IMMP2L: variants seen among roughly 807,000 people sequenced by gnomAD.
IMMP2L encodes the protein inner mitochondrial membrane peptidase subunit 2, also known as mitochondrial inner membrane protease subunit 2.
Under a neutral mutation model 19.3 loss-of-function variants are expected in IMMP2L, and 18 were observed. The ratio of observed to expected loss-of-function variants is 0.93; its 90% CI spans 0.64 to 1.38. The LOEUF (loss-of-function observed/expected upper bound fraction) is 1.38. IMMP2L is among the 40% of genes most tolerant of loss of function. The probability of loss-of-function intolerance (pLI) is 0.00; values close to 1 mark genes in which losing one functional copy is unlikely to be tolerated. For synonymous variants in IMMP2L, 76 were observed against 73.0 expected, an observed-to-expected ratio of 1.04 and a Z score of -0.21; for missense variants, 233 against 218.2, an observed-to-expected ratio of 1.07 and a Z score of -0.43.
intron 3 of IMMP2L, among the ~76,000 whole-genome samples, chr7:111,396,913 T>C (rs1832928949): frequency 6.6e-6 from 1 of 151,772 alleles, no homozygotes; most frequent in African/African-American, 2.4e-5. Context: ...TGAAACCCCA[T>C]CTCTACTAAA....
At position 111,122,772 on chromosome 7, in the gene IMMP2L, G is replaced by A. The variant is rs756827535; in HGVS notation, c.240-159207C>T. On this transcript the variant is annotated intron_variant, in intron 3 of 5. Transcript: ENST00000405709. ...TTACATTTCTGAAGAAGAAAGCTAA[G>A]ATGAAGGACATGCCACTCCGAATTC... The A allele has an allele frequency of 2.5e-6, 4 of 1,609,186 alleles. No individual in the cohort carries two copies. The East Asian group carries it at 6.7e-5, about 27-fold the overall frequency.
intron 3 of IMMP2L, chr7:111,391,804 T>C (rs1563136160): frequency 1.4e-6 from 1 of 692,312 alleles, no homozygotes; most frequent in Admixed American, 2.1e-5. Context: ...GAAACCTGAA[T>C]AGAGGTCCTT....
intron 3 of IMMP2L, among the ~76,000 whole-genome samples, chr7:111,202,424 G>T (rs1235624984): frequency 1.2e-4 from 18 of 152,144 alleles, no homozygotes; most frequent in Non-Finnish European, 1.0e-4. Context: ...TGTTATGGAA[G>T]TGTCTTCTTT....
chr7:111,266,102 T>C (rs1817803085), intron 3 of IMMP2L, among the ~76,000 whole-genome samples: 1 of 151,500 alleles, frequency 6.6e-6, no homozygotes, highest in Non-Finnish European at 1.5e-5. Flanking sequence ...ACTTACTTAG[T>C]TTATTGTCTG....
At chr7:110,705,783 C>A (rs1448167253) in intron 5 of IMMP2L, among the ~76,000 whole-genome samples, 11 of 151,898 alleles carry the variant, frequency 7.2e-5, no homozygotes, top group Admixed American at 7.2e-4. Context: ...TTCTTGCCAT[C>A]TTTATGTCAC....
chr7:110,946,843 C>T (rs1817302279), intron 4 of IMMP2L, among the ~76,000 whole-genome samples: 1 of 151,550 alleles, frequency 6.6e-6, no homozygotes, highest in Non-Finnish European at 1.5e-5. Context: ...GCCTCAGCCT[C>T]CCGAGTAGCT....
intron 3 of IMMP2L, among the ~76,000 whole-genome samples, chr7:111,070,055 G>T (rs559685489): frequency 6.6e-6 from 1 of 152,028 alleles, no homozygotes; most frequent in African/African-American, 2.4e-5. Context: ...CAGATTTACA[G>T]GTTGGAAGGA....
chr7:110,779,789 T>C (rs760963678), intron 5 of IMMP2L, among the ~76,000 whole-genome samples: 48 of 151,942 alleles, frequency 3.2e-4, no homozygotes, highest in Non-Finnish European at 5.6e-4. Context: ...CCTGGCAGGA[T>C]CTTACTCAGC....
intron 5 of IMMP2L, among the ~76,000 whole-genome samples, chr7:110,822,277 C>G (rs2131339239): frequency 6.6e-6 from 1 of 152,258 alleles, no homozygotes; most frequent in South Asian, 2.1e-4. Flanking sequence ...TAGCTCAACT[C>G]TATCTTCATC....
At chr7:111,224,858 C>A (rs937559694) in intron 3 of IMMP2L, among the ~76,000 whole-genome samples, 2 of 152,114 alleles carry the variant, frequency 1.3e-5, no homozygotes, top group Non-Finnish European at 2.9e-5. Context: ...CATGCACTGT[C>A]ATTAAAGCAA....
At chr7:111,285,614 C>T (rs1343387438) in intron 3 of IMMP2L, among the ~76,000 whole-genome samples, 6 of 152,078 alleles carry the variant, frequency 3.9e-5, no homozygotes, top group Non-Finnish European at 8.8e-5. Flanking sequence ...AACAGACTTC[C>T]CCAAAGCAGT....
chr7:111,167,540 CAACTGAAATCATATTACCCCA>C (rs751059018), intron 3 of IMMP2L, among the ~76,000 whole-genome samples: 3 of 151,968 alleles, frequency 2.0e-5, no homozygotes, highest in Non-Finnish European at 2.9e-5. Context: ...AGAAGGTTAC[CAACTGAAATCATATTACCCCA>C]AACTCCACAA....
chr7:110,665,438 T>C (rs1791381774), intron 5 of IMMP2L, among the ~76,000 whole-genome samples: 1 of 152,240 alleles, frequency 6.6e-6, no homozygotes, highest in African/African-American at 2.4e-5. Flanking sequence ...AGATATTTAA[T>C]GTAGATACAA....
At chr7:111,112,079 C>G (rs112822470) in intron 3 of IMMP2L, among the ~76,000 whole-genome samples, 3,766 of 150,858 alleles carry the variant, frequency 0.025, 157 homozygotes, top group African/African-American at 0.087. Context: ...TCCCGAGTAG[C>G]TGGGTTTACA....
At chr7:110,961,379 A>G (rs530566314) in intron 4 of IMMP2L, among the ~76,000 whole-genome samples, 17 of 151,868 alleles carry the variant, frequency 1.1e-4, no homozygotes, top group Admixed American at 1.1e-3. Flanking sequence ...AATGCTATGT[A>G]AATATTTGTT....
intron 3 of IMMP2L, among the ~76,000 whole-genome samples, chr7:111,297,324 G>A (rs1269357063): frequency 6.6e-6 from 1 of 151,984 alleles, no homozygotes; most frequent in Non-Finnish European, 1.5e-5. Flanking sequence ...AGAAAACTGG[G>A]TAAAAGAAAC....
At chr7:111,320,924 T>G (rs1014057738) in intron 3 of IMMP2L, among the ~76,000 whole-genome samples, 40 of 152,044 alleles carry the variant, frequency 2.6e-4, no homozygotes, top group African/African-American at 8.9e-4. Context: ...TGTATCATAA[T>G]GACTAGAATA....
intron 3 of IMMP2L, among the ~76,000 whole-genome samples, chr7:111,023,634 G>A (rs1279496306): frequency 6.6e-6 from 1 of 152,120 alleles, no homozygotes; most frequent in South Asian, 2.1e-4. Context: ...TTGAACCTGG[G>A]AGGCAGAGGT....
At chr7:111,233,750 T>G (rs1275814326) in intron 3 of IMMP2L, among the ~76,000 whole-genome samples, 1 of 152,116 alleles carries the variant, frequency 6.6e-6, no homozygotes, top group Non-Finnish European at 1.5e-5. Context: ...AAGATAATTC[T>G]TATGAAATCA....
Sources: gnomAD v4.1 joint callset for allele counts (sites outside exome capture counted in the v4.1 genomes callset) on GRCh38, gnomAD v4.1.1 for gene constraint, MANE v1.5 for transcripts, NCBI Gene and HGNC (gene_info 2026-07-23, HGNC 2026-07-21) for gene names.